The following LRRC4C variants were observed in gnomAD, a reference collection of about 807,000 sequenced individuals.
LRRC4C encodes the protein leucine-rich repeat-containing protein 4C.
In LRRC4C, 5 loss-of-function variants were observed where a neutral mutation model predicts 33.6. The ratio of observed to expected loss-of-function variants is 0.15; its 90% CI spans 0.08 to 0.31. LRRC4C has a LOEUF of 0.31. LRRC4C is among the 10% of genes least tolerant of loss of function. LRRC4C has a pLI of 1.00. For synonymous variants in LRRC4C, 329 were observed against 302.0 expected, an observed-to-expected ratio of 1.09 and a Z score of -0.93; for missense variants, 560 against 796.7, an observed-to-expected ratio of 0.70 and a Z score of 3.58.
At chr11:40,190,611 G>A (rs1265309468) in intron 5 of LRRC4C, among the ~76,000 whole-genome samples, 1 of 152,178 alleles carries the variant, frequency 6.6e-6, no homozygotes, top group African/African-American at 2.4e-5. Flanking sequence ...GTCTTGCTTA[G>A]ATATGCTTTG....
At chr11:40,995,587 C>G (rs1853911661) in intron 1 of LRRC4C, among the ~76,000 whole-genome samples, 1 of 152,132 alleles carries the variant, frequency 6.6e-6, no homozygotes, top group African/African-American at 2.4e-5. Flanking sequence ...AAACTTTCTT[C>G]CCTTGATGTC....
intron 1 of LRRC4C, among the ~76,000 whole-genome samples, chr11:41,107,117 C>G (rs1000422103): frequency 1.3e-5 from 2 of 149,918 alleles, no homozygotes; most frequent in Non-Finnish European, 3.0e-5. Context: ...GTTGAGCATC[C>G]CCAAATTCAA....
chr11:41,279,303 C>T (rs990252090), intron 1 of LRRC4C, among the ~76,000 whole-genome samples: 1 of 151,310 alleles, frequency 6.6e-6, no homozygotes, highest in Non-Finnish European at 1.5e-5. Flanking sequence ...GCTTCCATGA[C>T]CGAAGGAAGC....
chr11:41,354,709 T>C (rs1359518116), intron 1 of LRRC4C, among the ~76,000 whole-genome samples: 1 of 151,968 alleles, frequency 6.6e-6, no homozygotes, highest in African/African-American at 2.4e-5. Context: ...AAACTGCATT[T>C]CTACCACCAT....
chr11:40,344,758 T>C (rs961173570), intron 3 of LRRC4C, among the ~76,000 whole-genome samples: 2 of 152,114 alleles, frequency 1.3e-5, no homozygotes, highest in African/African-American at 2.4e-5. Flanking sequence ...CAAATCCCCA[T>C]AGTCTGTGCC....
chr11:40,875,933 G>T (rs1223731204), intron 2 of LRRC4C, among the ~76,000 whole-genome samples: 2 of 152,106 alleles, frequency 1.3e-5, no homozygotes, highest in African/African-American at 4.8e-5. Context: ...TCTAGGGGCG[G>T]TGGCAGATAG....
intron 3 of LRRC4C, among the ~76,000 whole-genome samples, chr11:40,378,109 C>T (rs935296648): frequency 2.6e-5 from 4 of 151,976 alleles, no homozygotes; most frequent in Admixed American, 1.3e-4. Flanking sequence ...GAGCATTATA[C>T]TCTAAATTCA....
chr11:41,135,963 G>T (rs1943241129), intron 1 of LRRC4C, among the ~76,000 whole-genome samples: 1 of 149,126 alleles, frequency 6.7e-6, no homozygotes, highest in African/African-American at 2.5e-5. Flanking sequence ...AACCCTTATT[G>T]GACATCTACA....
intron 1 of LRRC4C, among the ~76,000 whole-genome samples, chr11:40,943,550 G>A (rs1043317599): frequency 6.6e-6 from 1 of 152,094 alleles, no homozygotes; most frequent in African/African-American, 2.4e-5. Context: ...CAAACTGCCT[G>A]GTTTGCCCCA....
intron 2 of LRRC4C, among the ~76,000 whole-genome samples, chr11:40,817,908 G>C (rs1951771069): frequency 6.6e-6 from 1 of 151,970 alleles, no homozygotes; most frequent in Non-Finnish European, 1.5e-5. Context: ...ATTGCTGTCT[G>C]CAAATCTTTG....
chr11:40,372,650 G>C (rs952017836), intron 3 of LRRC4C, among the ~76,000 whole-genome samples: 1 of 152,126 alleles, frequency 6.6e-6, no homozygotes, highest in African/African-American at 2.4e-5. Context: ...CAGTCATCCT[G>C]GACGTTCTAC....
At chr11:40,178,309 T>C (rs1333753258) in intron 5 of LRRC4C, among the ~76,000 whole-genome samples, 1 of 152,114 alleles carries the variant, frequency 6.6e-6, no homozygotes, top group Non-Finnish European at 1.5e-5. Flanking sequence ...TTATAGAAGG[T>C]AAATGAACGA....
At chr11:41,148,383 C>T (rs1261833628) in intron 1 of LRRC4C, among the ~76,000 whole-genome samples, 2 of 151,834 alleles carry the variant, frequency 1.3e-5, no homozygotes, top group Non-Finnish European at 2.9e-5. Context: ...AGAGCAAGGC[C>T]TTATCTAAAT....
At chr11:40,917,017 C>T (rs1956991115) in intron 2 of LRRC4C, among the ~76,000 whole-genome samples, 1 of 152,068 alleles carries the variant, frequency 6.6e-6, no homozygotes, top group Non-Finnish European at 1.5e-5. Flanking sequence ...CATACACTTA[C>T]ATATAGTAAA....
intron 4 of LRRC4C, among the ~76,000 whole-genome samples, chr11:40,307,992 T>C (rs559643582): frequency 6.6e-6 from 1 of 152,360 alleles, no homozygotes; most frequent in African/African-American, 2.4e-5. Flanking sequence ...AACTATTAAG[T>C]GATTTGCCTA....
chr11:40,495,298 C>G (rs576797602), intron 3 of LRRC4C, among the ~76,000 whole-genome samples: 1 of 152,070 alleles, frequency 6.6e-6, no homozygotes, highest in Admixed American at 6.6e-5. Context: ...TCCGCCCCCC[C>G]CGCCAGAAAA....
At chr11:40,715,712 C>T (rs1301252332) in intron 2 of LRRC4C, among the ~76,000 whole-genome samples, 1 of 152,088 alleles carries the variant, frequency 6.6e-6, no homozygotes, top group East Asian at 1.9e-4. Flanking sequence ...TTTCAGGAAA[C>T]TTCTATCGAA....
intron 2 of LRRC4C, among the ~76,000 whole-genome samples, chr11:40,694,798 T>C (rs1406313352): frequency 6.6e-6 from 1 of 152,142 alleles, no homozygotes; most frequent in Admixed American, 6.6e-5. Context: ...CACAAATTGA[T>C]ATAGGTTGGC....
intron 2 of LRRC4C, among the ~76,000 whole-genome samples, chr11:40,826,041 T>C (rs1211037718): frequency 6.6e-6 from 1 of 151,698 alleles, no homozygotes; most frequent in Non-Finnish European, 1.5e-5. Context: ...CACCCTTATG[T>C]AGTCCACAAA....
Sources: allele counts gnomAD v4.1 joint callset (sites outside exome capture counted in the v4.1 genomes callset), GRCh38; gene constraint gnomAD v4.1.1; transcripts MANE v1.5; gene names NCBI Gene and HGNC (gene_info 2026-07-23, HGNC 2026-07-21).